RRAGC: variants seen among roughly 807,000 people sequenced by gnomAD.
RRAGC encodes the protein ras-related GTP-binding protein C.
A neutral mutation model predicts 37.1 loss-of-function variants in RRAGC; 8 were observed. That is an observed-to-expected ratio of 0.22 (90% CI 0.13 to 0.39). RRAGC has a LOEUF of 0.39. Ranked by LOEUF, RRAGC falls within the 10% of genes least tolerant of loss-of-function variation. RRAGC has a pLI of 1.00. For synonymous variants in RRAGC, 190 were observed against 181.1 expected (o/e 1.05, Z -0.39); for missense variants, 342 against 497.6 (o/e 0.69, Z 2.98).
intron 6 of RRAGC, among the ~76,000 whole-genome samples, chr1:38,845,131 A>G (rs959971698): frequency 2.0e-5 from 3 of 152,218 alleles, no homozygotes; most frequent in African/African-American, 4.8e-5. Context: ...CTGGGTATAT[A>G]CCCAAGGGAT....
At chr1:38,842,497 T>C (rs1641977106) in intron 6 of RRAGC, among the ~76,000 whole-genome samples, 1 of 152,100 alleles carries the variant, frequency 6.6e-6, no homozygotes, top group Non-Finnish European at 1.5e-5. Context: ...AGATTGACAA[T>C]AATTAAACAG....
chr1:38,845,398 T>C (rs1642016152), intron 6 of RRAGC, among the ~76,000 whole-genome samples: 1 of 152,274 alleles, frequency 6.6e-6, no homozygotes, highest in Non-Finnish European at 1.5e-5. Context: ...TACTGCATGT[T>C]CTCACTCATA....
At position 38,849,558 on chromosome 1, in the gene RRAGC, C is replaced by T. The variant is rs888346171; in HGVS notation, c.899+2057G>A. 6.6e-5 allele frequency among the ~76,000 whole-genome samples: 10 copies of T among 151,708 alleles called. No homozygotes were observed. In the East Asian group the frequency reaches 9.9e-4, roughly 15 times the overall value. On this transcript the variant is annotated intron_variant, in intron 5 of 6. Coordinates refer to ENST00000373001, the MANE Select transcript of RRAGC (RefSeq NM_022157.4). ...ACAAAATCAGCCAGGCGTGGTGGTGCACCCCTGTAATCCCAGCTACTCGGG... is the reference window on the plus strand; with the variant it reads ...ACAAAATCAGCCAGGCGTGGTGGTGTACCCCTGTAATCCCAGCTACTCGGG...
chr1:38,856,583 C>T (rs536692444), intron 2 of RRAGC: 1 of 230,248 alleles, frequency 4.3e-6, no homozygotes, highest in African/African-American at 2.3e-5. Flanking sequence ...AATAACATCA[C>T]TATTATTATA....
chr1:38,848,269 T>C (rs970470368), intron 5 of RRAGC, among the ~76,000 whole-genome samples: 4 of 152,184 alleles, frequency 2.6e-5, no homozygotes, highest in Non-Finnish European at 4.4e-5. Context: ...TTATAAGTGC[T>C]ACATGTTCTC....
chr1:38,848,662 T>C (rs1642055893), intron 5 of RRAGC, among the ~76,000 whole-genome samples: 1 of 152,118 alleles, frequency 6.6e-6, no homozygotes, highest in Admixed American at 6.6e-5. Flanking sequence ...TTAAGACTAT[T>C]AGGAAAATAT....
chr1:38,844,169 G>GT (rs903844947), intron 6 of RRAGC, among the ~76,000 whole-genome samples: 3 of 152,052 alleles, frequency 2.0e-5, no homozygotes, highest in African/African-American at 7.2e-5. Flanking sequence ...AGAAACTCGC[G>GT]TAACTAGTGA....
Position 38,839,330 on chromosome 1 carries a change from ATTT to A in RRAGC, c.*220_*222del, listed in dbSNP as rs201062095. The A allele has an allele frequency of 3.6e-3, 1,198 of 329,460 alleles. No homozygotes were observed. The highest frequency in any genetic ancestry group is 5.0e-3 in the East Asian group (111 of 22,050). 20.4% of individuals were successfully genotyped at this position (329,460 alleles called of 1,614,324 possible). Reference sequence around the variant, plus strand: ...ACACTTGAGTTCTGTGGTCTCCAGAATTTTTTTTTTTTTTTTTTGCCATTTTCA... The same window carrying A: ...ACACTTGAGTTCTGTGGTCTCCAGAATTTTTTTTTTTTTTTGCCATTTTCA... On this transcript the variant is annotated 3_prime_UTR_variant, in exon 7 of 7. Transcript: ENST00000373001.
intron 3 of RRAGC, among the ~76,000 whole-genome samples, chr1:38,854,926 T>A (rs1340214875): frequency 6.6e-6 from 1 of 152,220 alleles, no homozygotes; most frequent in Non-Finnish European, 1.5e-5. Flanking sequence ...TTTTCTTGGG[T>A]ACTTTTTAAT....
intron 5 of RRAGC, among the ~76,000 whole-genome samples, chr1:38,848,385 T>C (rs1210165492): frequency 6.6e-6 from 1 of 152,146 alleles, no homozygotes; most frequent in Non-Finnish European, 1.5e-5. Flanking sequence ...ACCCTAAAGA[T>C]GATTCCCTAA....
chr1:38,858,587 A>G (rs949836847), intron 1 of RRAGC, among the ~76,000 whole-genome samples: 1 of 152,186 alleles, frequency 6.6e-6, no homozygotes, highest in African/African-American at 2.4e-5. Flanking sequence ...AATCCCAGCT[A>G]TTCGGGAGGC....
intron 6 of RRAGC, among the ~76,000 whole-genome samples, chr1:38,842,069 G>C (rs943857711): frequency 6.6e-6 from 1 of 151,698 alleles, no homozygotes; most frequent in Non-Finnish European, 1.5e-5. Flanking sequence ...TCAGGAGATC[G>C]AGACCATCCT....
intron 5 of RRAGC, 48 bp downstream of exon 5, chr1:38,851,567 T>A (rs1485754581): frequency 1.4e-6 from 2 of 1,451,296 alleles, no homozygotes; most frequent in African/African-American, 3.0e-5. Context: ...ATCAAGTTAA[T>A]AGTTTTCCGC....
intron 6 of RRAGC, among the ~76,000 whole-genome samples, chr1:38,843,910 C>T (rs1641996658): frequency 1.3e-5 from 2 of 152,140 alleles, no homozygotes; most frequent in Non-Finnish European, 1.5e-5. Flanking sequence ...AAGTAAGAGA[C>T]TACTGCAGCA....
intron 1 of RRAGC, 82 bp downstream of exon 1, chr1:38,859,328 G>A: frequency 7.7e-7 from 1 of 1,305,826 alleles, no homozygotes; most frequent in South Asian, 1.4e-5. Context: ...GCGGGCCCCG[G>A]CCGCCGCCCT....
At chr1:38,847,507 G>C (rs1340296184) in intron 5 of RRAGC, 1 of 152,030 alleles carries the variant, frequency 6.6e-6, no homozygotes, top group East Asian at 1.9e-4. Context: ...GTTAGTGGTT[G>C]ACTTGAGTAG....
intron 1 of RRAGC, 43 bp from the exon 2 acceptor site, chr1:38,857,125 GAATTTA>G (rs1642177206): frequency 7.0e-7 from 1 of 1,437,542 alleles, no homozygotes; most frequent in Non-Finnish European, 9.6e-7. Flanking sequence ...TTAAACTTCA[GAATTTA>G]AATTTAAAAT....
chr1:38,840,709 T>G (rs996505099), intron 6 of RRAGC, among the ~76,000 whole-genome samples: 1 of 151,854 alleles, frequency 6.6e-6, no homozygotes, highest in Admixed American at 6.6e-5. Context: ...ACAGCACAGG[T>G]GGAAGACAGG....
At chr1:38,857,722 G>A (rs1281302465) in intron 1 of RRAGC, among the ~76,000 whole-genome samples, 1 of 152,232 alleles carries the variant, frequency 6.6e-6, no homozygotes, top group South Asian at 2.1e-4. Context: ...CACTTTAGGC[G>A]GCCGAGGCGG....
Sources: gnomAD v4.1 joint callset for allele counts (sites outside exome capture counted in the v4.1 genomes callset) on GRCh38, gnomAD v4.1.1 for gene constraint, MANE v1.5 for transcripts, NCBI Gene and HGNC (gene_info 2026-07-23, HGNC 2026-07-21) for gene names.